ZIM2: variants seen among roughly 807,000 people sequenced by gnomAD.
ZIM2 encodes zinc finger imprinted 2, also known as zinc finger protein 656.
ZIM2 carries 14 observed loss-of-function variants against 38.6 expected under a neutral mutation model. That is an observed-to-expected ratio of 0.36 (90% CI 0.24 to 0.57). The LOEUF (loss-of-function observed/expected upper bound fraction) is 0.57, where lower values mean the gene tolerates loss of function less well. Ranked by LOEUF, ZIM2 falls within the 20% of genes least tolerant of loss-of-function variation. The pLI is 0.81. For synonymous variants in ZIM2, 247 were observed against 245.8 expected (o/e 1.00, Z -0.04); for missense variants, 680 against 695.1 (o/e 0.98, Z 0.24).
At chr19:56,840,425 G>C (rs1477551494) in intron 1 of ZIM2, among the ~76,000 whole-genome samples, 157 bp downstream of exon 1, 1 of 152,186 alleles carries the variant, frequency 6.6e-6, no homozygotes, top group Non-Finnish European at 1.5e-5. Context: ...GCAGCGGGCG[G>C]CCAAGTACCA....
intron 9 of ZIM2, chr19:56,790,223 C>T: frequency 2.9e-6 from 1 of 342,454 alleles, no homozygotes. Flanking sequence ...CATTTCGGGC[C>T]TCACTGTCCA....
rs752587920 is a variant in ZIM2 at position 56,774,878 on chromosome 19, G to GCT, written c.1485_1486dup (p.Ala496GlufsTer93). The GCT allele has an allele frequency of 6.8e-6, 11 of 1,614,186 alleles. No individual in the cohort carries two copies. The highest frequency in any genetic ancestry group is 9.3e-6 in the Non-Finnish European group (11 of 1,180,028). On this transcript the variant is annotated frameshift_variant, in exon 13 of 13. Transcript: ENST00000629319. LOFTEE classifies it low-confidence loss of function (END_TRUNC). ...TCTGCCACAGTCACAACACTGGCAG[G>GCT]CTCTCTCTCCAACGTAGTCATGTTT... is the stretch of plus-strand genomic sequence containing the variant.
chr19:56,830,981 G>C (rs915966259), intron 2 of ZIM2, among the ~76,000 whole-genome samples: 4 of 151,726 alleles, frequency 2.6e-5, no homozygotes, highest in Non-Finnish European at 4.4e-5. Flanking sequence ...TGACAGAAGG[G>C]CAATAAGTCT....
chr19:56,778,744 T>C (rs2145838323), intron 12 of ZIM2, among the ~76,000 whole-genome samples: 1 of 152,212 alleles, frequency 6.6e-6, no homozygotes, highest in South Asian at 2.1e-4. Context: ...GGGTTTTCTG[T>C]TAACTACAAC....
chr19:56,780,082 T>C (rs1326415572), intron 11 of ZIM2, among the ~76,000 whole-genome samples: 1 of 152,226 alleles, frequency 6.6e-6, no homozygotes. Context: ...GTAACCAAAA[T>C]GCCTATACCA....
chr19:56,814,172 C>T lies in ZIM2; in HGVS notation c.490+3574G>A, dbSNP rs1215749606. 5 of 1,614,178 alleles carry T rather than the reference C, an allele frequency of 3.1e-6. No individual in the cohort carries two copies. Among genetic ancestry groups the T allele is most frequent in the Non-Finnish European group, 4.2e-6 (5 of 1,180,040 alleles). On this transcript the variant is annotated intron_variant, in intron 9 of 12. Transcript: ENST00000629319. This position sits in a 1 kb window ranked among gnomAD's most constrained non-coding sequence, Gnocchi z 5.8. The stretch of plus-strand genomic sequence containing the variant: ...GGCTCTGCAGCCTCTCCATCTGGCC[C>T]TTCAGCCTCTCCGTTTGGCTCAGCA...
intron 10 of ZIM2, among the ~76,000 whole-genome samples, chr19:56,786,104 T>A (rs1474082751): frequency 6.6e-6 from 1 of 152,162 alleles, no homozygotes. Context: ...CTCCATGGAT[T>A]TGCTGATTCT....
Position 56,816,587 on chromosome 19 carries a change from T to C in ZIM2, c.490+1159A>G, listed in dbSNP as rs761610125. 12 of 1,613,914 alleles carry C rather than the reference T, an allele frequency of 7.4e-6. No homozygotes were observed. In the South Asian group the frequency reaches 1.3e-4, roughly 18 times the overall value. ...TACATTTTCTCTTTACCATACATTTTCTGAAACTCATTAAGGGCTGGGCTG... is the reference window on the plus strand; with the variant it reads ...TACATTTTCTCTTTACCATACATTTCCTGAAACTCATTAAGGGCTGGGCTG... On this transcript the variant is annotated intron_variant, in intron 9 of 12. Transcript: ENST00000629319.
Position 56,775,371 on chromosome 19 carries a change from G to A in ZIM2, c.994C>T (p.Pro332Ser). ...CCTTCCTGGGGATCCTTTCCTAGAG[G>A]ATCCTTTGATTGTTTACTAAGATTA... ...SSNLSKQSKD[P>S]LGKDPQEGTA... Residue 332 changes from proline (P) to serine (S), a missense_variant, in exon 13 of 13, where the codon CCT (proline) becomes TCT (serine). By Grantham distance (74) the Pro-to-Ser change is moderately conservative. Transcript: ENST00000629319. 1 of 1,614,128 alleles carries A rather than the reference G, an allele frequency of 6.2e-7. No individual in the cohort carries two copies. Among genetic ancestry groups the A allele is most frequent in the Non-Finnish European group, 8.5e-7 (1 of 1,180,016 alleles).
intron 9 of ZIM2, chr19:56,810,714 C>T (rs2048079633): frequency 1.0e-6 from 1 of 983,864 alleles, no homozygotes; most frequent in South Asian, 4.7e-5. Context: ...TCATTTAAGA[C>T]TTTATGCACA....
chr19:56,835,255 A>C (rs2061974342), intron 2 of ZIM2, among the ~76,000 whole-genome samples: 1 of 152,186 alleles, frequency 6.6e-6, no homozygotes, highest in Non-Finnish European at 1.5e-5. Context: ...CATGGTTAAA[A>C]GCACTTCCCG....
At position 56,818,648 on chromosome 19, in the gene ZIM2, T is replaced by G; in HGVS notation, c.349A>C (p.Asn117His). ...VDLAEDRKPH[N>H]TIQDNMENYR... ...TTTTCCATGTTGTCCTGGATTGTGT[T>G]GTGAGGTTTCCTGTCCTCAGCGAGG... The change falls in exon 8 of 13, where the codon AAC becomes CAC. Residue 117 changes from asparagine to histidine, a missense_variant. Transcript: ENST00000629319. The G allele has an allele frequency of 6.2e-7, 1 of 1,614,202 alleles. No individual in the cohort carries two copies. The highest frequency in any genetic ancestry group is 8.5e-7 in the Non-Finnish European group (1 of 1,180,046).
Position 56,814,498 on chromosome 19 carries a change from T to C in ZIM2, c.490+3248A>G. The C allele has an allele frequency of 1.2e-6, 2 of 1,613,318 alleles. No individual in the cohort carries two copies. The highest frequency in any genetic ancestry group is 8.5e-7 in the Non-Finnish European group (1 of 1,179,254). ...CTCAGTAAGAAATGAGGTGTGAGTA[T>C]AGGAGGACCCGTACTCATAGGGCTC... On this transcript the variant is annotated intron_variant, in intron 9 of 12. Coordinates refer to ENST00000629319, the MANE Select transcript of ZIM2 (RefSeq NM_001387356.1). This position sits in a 1 kb window ranked among gnomAD's most constrained non-coding sequence, Gnocchi z 5.8.
In ZIM2 at chr19:56,816,622, G is replaced by A. The variant is rs369904506; in HGVS notation, c.490+1124C>T. The stretch of plus-strand genomic sequence containing the variant: ...ATTAAGGGCTGGGCTGGGCCTAAAG[G>A]TTTCCCCGCGCTCACGTTCACGTTC... On this transcript the variant is annotated intron_variant, in intron 9 of 12. Coordinates refer to ENST00000629319, the MANE Select transcript of ZIM2 (RefSeq NM_001387356.1). The A allele has an allele frequency of 4.3e-6, 7 of 1,613,720 alleles. No homozygotes were observed. In the South Asian group the frequency reaches 6.6e-5, roughly 15 times the overall value.
intron 9 of ZIM2, among the ~76,000 whole-genome samples, chr19:56,808,736 C>CA (rs1424174536): frequency 5.3e-5 from 7 of 132,316 alleles, no homozygotes; most frequent in African/African-American, 1.4e-4. Context: ...AGAGGTTTGT[C>CA]AAAAAATGGA....
At chr19:56,810,462 A>T in intron 9 of ZIM2, 1 of 984,318 alleles carries the variant, frequency 1.0e-6, no homozygotes, top group Non-Finnish European at 1.2e-6. Context: ...CACCCTAATA[A>T]TCACAGACTA....
intron 9 of ZIM2, among the ~76,000 whole-genome samples, chr19:56,795,510 T>C (rs184084044): frequency 2.6e-5 from 4 of 152,342 alleles, no homozygotes; most frequent in Admixed American, 2.0e-4. Context: ...CTCCACGCCC[T>C]GACCAAAACC....
chr19:56,839,562 G>A (rs188685940), intron 1 of ZIM2, among the ~76,000 whole-genome samples: 7 of 151,410 alleles, frequency 4.6e-5, no homozygotes, highest in Middle Eastern at 3.5e-3. Context: ...CAAAGCGGGC[G>A]GGGCCTGAGT....
At chr19:56,839,341 G>A (rs1158009511) in intron 1 of ZIM2, among the ~76,000 whole-genome samples, 2 of 151,632 alleles carry the variant, frequency 1.3e-5, no homozygotes, top group East Asian at 3.9e-4. Flanking sequence ...GCCTTGCCCC[G>A]CCCCCTCTGC....
Sources: allele counts gnomAD v4.1 joint callset (sites outside exome capture counted in the v4.1 genomes callset), GRCh38; gene constraint gnomAD v4.1.1; non-coding constraint Gnocchi (gnomAD v3.1); transcripts MANE v1.5; gene names NCBI Gene and HGNC (gene_info 2026-07-23, HGNC 2026-07-21).